Variants in LRRC37A2 observed in about 807,000 individuals in gnomAD.
The protein encoded by LRRC37A2 is leucine rich repeat containing 37 member A2, also known as leucine-rich repeat-containing protein 37A2.
Under a neutral mutation model 68.8 loss-of-function variants are expected in LRRC37A2, and 9 were observed. The ratio of observed to expected loss-of-function variants is 0.13; its 90% CI spans 0.08 to 0.23. The LOEUF (loss-of-function observed/expected upper bound fraction) is 0.23, where lower values mean the gene tolerates loss of function less well. LRRC37A2 is among the 10% of genes least tolerant of loss of function. The pLI, the probability that LRRC37A2 is intolerant of heterozygous loss-of-function variation, is 1.00. For synonymous variants in LRRC37A2, 63 were observed against 367.6 expected (o/e 0.17, Z 9.48); for missense variants, 168 against 950.4 (o/e 0.18, Z 10.82).
chr17:46,851,623 C>T, the LRRC37A2 span: 2 of 1,252,874 alleles, frequency 1.6e-6, no homozygotes, highest in South Asian at 2.9e-5. This position sits in a 1 kb window ranked among gnomAD's most constrained non-coding sequence, Gnocchi z 4.3. Flanking sequence ...CTAGAGGGCG[C>T]AGCGCCGCCA....
the LRRC37A2 span, among the ~76,000 whole-genome samples, chr17:46,727,380 G>C: frequency 5.3e-5 from 8 of 152,172 alleles, no homozygotes; most frequent in Admixed American, 3.9e-4. Flanking sequence ...TCAGGAAGGG[G>C]TAATACACTC....
chr17:46,834,955 G>C, the LRRC37A2 span, among the ~76,000 whole-genome samples: 1 of 152,086 alleles, frequency 6.6e-6, no homozygotes, highest in African/African-American at 2.4e-5. Flanking sequence ...AAACTCCCTA[G>C]ATTGGCCCTC....
the LRRC37A2 span, chr17:46,938,780 T>TGAA: frequency 1.7e-5 from 28 of 1,613,484 alleles, no homozygotes; most frequent in Middle Eastern, 1.7e-4. Flanking sequence ...GCTCAGTGGC[T>TGAA]GAACAGCATT....
chr17:46,838,776 C>T, the LRRC37A2 span, among the ~76,000 whole-genome samples: 10 of 152,100 alleles, frequency 6.6e-5, no homozygotes, highest in South Asian at 2.1e-4. Flanking sequence ...CATAAAAATC[C>T]GGGTTTACAA....
At chr17:46,877,160 C>G in the LRRC37A2 span, 3 of 905,600 alleles carry the variant, frequency 3.3e-6, no homozygotes, top group South Asian at 1.5e-4. Flanking sequence ...GAAGTGAAGG[C>G]GGGAGCCTGG....
the LRRC37A2 span, among the ~76,000 whole-genome samples, chr17:46,957,009 T>A: frequency 6.6e-6 from 1 of 152,112 alleles, no homozygotes; most frequent in Non-Finnish European, 1.5e-5. Flanking sequence ...CGCTGACAGG[T>A]GAATCAAGAC....
At chr17:47,014,051 CCAT>C in the LRRC37A2 span, among the ~76,000 whole-genome samples, 42 of 152,014 alleles carry the variant, frequency 2.8e-4, no homozygotes, top group African/African-American at 9.7e-4. Context: ...CCAGATCATG[CCAT>C]TGCACTCCAG....
chr17:46,457,966 C>G, the LRRC37A2 span, among the ~76,000 whole-genome samples: 1 of 49,228 alleles, frequency 2.0e-5, no homozygotes, highest in South Asian at 8.6e-4. Context: ...CACGAACATT[C>G]TATTGGTTCT....
At chr17:46,810,141 G>C in the LRRC37A2 span, among the ~76,000 whole-genome samples, 2 of 151,570 alleles carry the variant, frequency 1.3e-5, no homozygotes, top group Non-Finnish European at 2.9e-5. Context: ...CGAGTAGCTG[G>C]GATTACAGGC....
chr17:46,859,984 G>A, the LRRC37A2 span, among the ~76,000 whole-genome samples: 1 of 152,150 alleles, frequency 6.6e-6, no homozygotes. Context: ...CACATTTTTA[G>A]AAATTGAATT....
At chr17:46,897,101 C>A in the LRRC37A2 span, among the ~76,000 whole-genome samples, 282 of 152,304 alleles carry the variant, frequency 1.9e-3, no homozygotes, top group Non-Finnish European at 3.5e-3. Flanking sequence ...GAATCTGCTG[C>A]GACCGCTCGA....
the LRRC37A2 span, among the ~76,000 whole-genome samples, chr17:46,610,011 T>TTCTC: frequency 2.5e-5 from 2 of 80,206 alleles, no homozygotes; most frequent in Non-Finnish European, 5.9e-5. Context: ...CTTTCTCTCT[T>TTCTC]TCTTTCTTTC....
chr17:46,961,754 G>GA, the LRRC37A2 span, among the ~76,000 whole-genome samples: 1 of 152,204 alleles, frequency 6.6e-6, no homozygotes, highest in Admixed American at 6.5e-5. Flanking sequence ...GATACACAAA[G>GA]AAACTAACCA....
the LRRC37A2 span, among the ~76,000 whole-genome samples, chr17:47,048,515 C>A: frequency 0.017 from 1,976 of 113,672 alleles, 56 homozygotes; most frequent in African/African-American, 0.058. Flanking sequence ...TGCAATCTGG[C>A]AAATTTGAAA....
chr17:46,970,535 CAAAAA>C, the LRRC37A2 span, among the ~76,000 whole-genome samples: 1 of 51,168 alleles, frequency 2.0e-5, no homozygotes, highest in Non-Finnish European at 3.8e-5. Flanking sequence ...GACTCCATCT[CAAAAA>C]AAAAAAAAAA....
the LRRC37A2 span, among the ~76,000 whole-genome samples, chr17:46,965,817 G>T: frequency 6.7e-6 from 1 of 150,098 alleles, no homozygotes; most frequent in African/African-American, 2.5e-5. Flanking sequence ...TTTTTGTAGA[G>T]GCGGGGTCTC....
At chr17:46,910,924 C>G in the LRRC37A2 span, among the ~76,000 whole-genome samples, 2 of 152,168 alleles carry the variant, frequency 1.3e-5, no homozygotes, top group Non-Finnish European at 2.9e-5. Flanking sequence ...GGCACGATTC[C>G]AAGCTAAGGA....
intron 6 of LRRC37A2, among the ~76,000 whole-genome samples, chr17:46,539,768 C>CCAAAAAAAAAA (rs2054946038): frequency 1.5e-5 from 1 of 67,036 alleles, no homozygotes; most frequent in Non-Finnish European, 2.7e-5. Flanking sequence ...GACTCCATCT[C>CCAAAAAAAAAA]AAAAAAAAAA....
the LRRC37A2 span, among the ~76,000 whole-genome samples, chr17:46,994,180 T>A: frequency 6.8e-6 from 1 of 146,942 alleles, no homozygotes; most frequent in Admixed American, 6.8e-5. Context: ...AGGTCAGGAG[T>A]TTGAGACCAG....
Sources: gnomAD v4.1 joint callset for allele counts (sites outside exome capture counted in the v4.1 genomes callset) on GRCh38, gnomAD v4.1.1 for gene constraint, Gnocchi (gnomAD v3.1) non-coding constraint, MANE v1.5 for transcripts, NCBI Gene and HGNC (gene_info 2026-07-23, HGNC 2026-07-21) for gene names.